HERPUD2: variants seen among roughly 807,000 people sequenced by gnomAD.
The protein encoded by HERPUD2 is homocysteine-responsive endoplasmic reticulum-resident ubiquitin-like domain member 2 protein.
A neutral mutation model predicts 49.9 loss-of-function variants in HERPUD2; 13 were observed. The observed-to-expected ratio is 0.26, with a 90% confidence interval of 0.17 to 0.41. The LOEUF (loss-of-function observed/expected upper bound fraction) is 0.41. Ranked by LOEUF, HERPUD2 falls within the 10% of genes least tolerant of loss-of-function variation. The pLI is 1.00. For synonymous variants in HERPUD2, 172 were observed against 171.4 expected (o/e 1.00, Z -0.03); for missense variants, 449 against 492.2 (o/e 0.91, Z 0.83).
At chr7:35,660,228 T>C (rs1420675417) in intron 5 of HERPUD2, among the ~76,000 whole-genome samples, 1 of 152,348 alleles carries the variant, frequency 6.6e-6, no homozygotes, top group South Asian at 2.1e-4. Context: ...TATGGCGGCA[T>C]AGTATTCCAT....
In HERPUD2 at chr7:35,664,864, T is replaced by C. The variant is rs1785504303; in HGVS notation, c.494+2570A>G. Among the ~76,000 whole-genome samples, 4 of 152,260 alleles carry C rather than the reference T, an allele frequency of 2.6e-5. No homozygotes were observed. In the South Asian group the frequency reaches 6.2e-4, roughly 24 times the overall value. ...TCCTCCTTTAGCTGGGAGAAGTTTG[T>C]TATTACCGATTGTCTGAAGCCGCCT... On this transcript the variant is annotated intron_variant, in intron 5 of 8. Transcript: ENST00000311350.
At position 35,635,468 on chromosome 7, in the gene HERPUD2, T is replaced by C. The variant is rs1223211736; in HGVS notation, c.618-10A>G. The C allele has an allele frequency of 6.3e-7, 1 of 1,586,834 alleles. No homozygotes were observed. Among genetic ancestry groups the C allele is most frequent in the Non-Finnish European group, 8.6e-7 (1 of 1,168,104 alleles). ...TGAAACTGCAGCTTGACTGAAATAG[T>C]CACCAAAATAAATATTAAAAAGAAA... On this transcript the variant is annotated splice_polypyrimidine_tract_variant and intron_variant, in intron 6 of 8. Coordinates refer to ENST00000311350, the MANE Select transcript of HERPUD2 (RefSeq NM_022373.5).
At chr7:35,686,597 T>C (rs1428884650) in intron 2 of HERPUD2, among the ~76,000 whole-genome samples, 5 of 134,414 alleles carry the variant, frequency 3.7e-5, no homozygotes, top group Non-Finnish European at 8.0e-5. Flanking sequence ...CGGGCGCCTG[T>C]AGTCCCAGCT....
intron 2 of HERPUD2, among the ~76,000 whole-genome samples, chr7:35,691,421 C>G (rs1259302579): frequency 6.6e-6 from 1 of 152,156 alleles, no homozygotes; most frequent in Non-Finnish European, 1.5e-5. Flanking sequence ...TCTAGCAGCA[C>G]CAATTTATTT....
intron 2 of HERPUD2, among the ~76,000 whole-genome samples, chr7:35,689,822 T>C (rs1362679489): frequency 3.3e-5 from 5 of 152,110 alleles, no homozygotes; most frequent in Non-Finnish European, 7.4e-5. Flanking sequence ...ACCCCAAGAC[T>C]GAAAAATGGA....
At chr7:35,684,422 G>A (rs1047316386) in intron 2 of HERPUD2, among the ~76,000 whole-genome samples, 1 of 151,488 alleles carries the variant, frequency 6.6e-6, no homozygotes, top group African/African-American at 2.4e-5. Flanking sequence ...AAAGATACTT[G>A]CACAAATATT....
At chr7:35,636,338 C>A (rs745954378) in intron 6 of HERPUD2, among the ~76,000 whole-genome samples, 2 of 152,156 alleles carry the variant, frequency 1.3e-5, no homozygotes, top group Non-Finnish European at 2.9e-5. Flanking sequence ...GCTACAAAAT[C>A]CTATTTAAGC....
chr7:35,667,528 CAGCTA>C lies in HERPUD2; in HGVS notation c.395_399del (p.Leu132CysfsTer19). The stretch of plus-strand genomic sequence containing the variant: ...CTCAATCCTTCTGAGGAAGAACCCA[CAGCTA>C]AAGACAAGGTTTCTTGACCAGATGA... On this transcript the variant is annotated frameshift_variant, in exon 5 of 9. Transcript: ENST00000311350. LOFTEE classifies it high-confidence loss of function. 6.2e-7 allele frequency: 1 copy of C among 1,613,706 alleles called. No individual in the cohort carries two copies. The highest frequency in any genetic ancestry group is 8.5e-7 in the Non-Finnish European group (1 of 1,179,682).
chr7:35,643,052 C>T (rs1268650500), intron 5 of HERPUD2, among the ~76,000 whole-genome samples: 2 of 152,186 alleles, frequency 1.3e-5, no homozygotes, highest in Admixed American at 1.3e-4. Flanking sequence ...AAAAAAACTT[C>T]ACATCTCTGC....
chr7:35,682,301 A>G (rs865967292), intron 2 of HERPUD2, among the ~76,000 whole-genome samples: 24 of 46,684 alleles, frequency 5.1e-4, no homozygotes, highest in African/African-American at 8.8e-4. Context: ...GTGTGTGTGT[A>G]TATATAGATA....
At chr7:35,634,257 T>TA in intron 8 of HERPUD2, 55 bp downstream of exon 8, 1 of 1,107,150 alleles carries the variant, frequency 9.0e-7, no homozygotes, top group East Asian at 2.4e-5. Flanking sequence ...GTTGGTCCCA[T>TA]ACCGTGCTGG....
intron 5 of HERPUD2, among the ~76,000 whole-genome samples, chr7:35,656,162 C>CA (rs1785271445): frequency 2.0e-5 from 3 of 151,418 alleles, no homozygotes; most frequent in African/African-American, 7.3e-5. Flanking sequence ...AACTTCATTT[C>CA]AAAAAAATAA....
At chr7:35,651,244 G>T (rs551323488) in intron 5 of HERPUD2, among the ~76,000 whole-genome samples, 9 of 152,200 alleles carry the variant, frequency 5.9e-5, no homozygotes, top group Non-Finnish European at 1.0e-4. Flanking sequence ...GTCACTGATG[G>T]CATCCAAACA....
intron 5 of HERPUD2, among the ~76,000 whole-genome samples, chr7:35,656,014 T>C (rs1483380561): frequency 6.6e-6 from 1 of 151,954 alleles, no homozygotes; most frequent in Non-Finnish European, 1.5e-5. Flanking sequence ...TACAAAAAAT[T>C]AGCCGGGCAT....
At chr7:35,668,161 G>C (rs1379697285) in intron 4 of HERPUD2, among the ~76,000 whole-genome samples, 3 of 152,160 alleles carry the variant, frequency 2.0e-5, no homozygotes, top group African/African-American at 7.2e-5. Flanking sequence ...TAACCTCTCA[G>C]AGTTTCCACT....
chr7:35,648,712 G>A (rs1389725337), intron 5 of HERPUD2, among the ~76,000 whole-genome samples: 1 of 152,162 alleles, frequency 6.6e-6, no homozygotes, highest in African/African-American at 2.4e-5. Context: ...TGAGAAGAAT[G>A]TGTGCCACGA....
At chr7:35,692,504 A>G (rs564192354) in intron 2 of HERPUD2, among the ~76,000 whole-genome samples, 11 of 152,352 alleles carry the variant, frequency 7.2e-5, no homozygotes, top group Admixed American at 4.6e-4. Flanking sequence ...GTGTGAAACT[A>G]ATCATATGCA....
At chr7:35,690,655 C>G (rs1786160767) in intron 2 of HERPUD2, among the ~76,000 whole-genome samples, 1 of 151,970 alleles carries the variant, frequency 6.6e-6, no homozygotes, top group Non-Finnish European at 1.5e-5. Flanking sequence ...ACTAAAAATA[C>G]AAAATTAGCC....
In HERPUD2 at chr7:35,652,572, GAAGA is replaced by G. The variant is rs954793763; in HGVS notation, c.495-14104_495-14101del. ...GAGAATAGGCAGATATATTTGAAGT[GAAGA>G]AAGAAAGAGAAAAAGAAAAGAAAAA... On this transcript the variant is annotated intron_variant, in intron 5 of 8. Coordinates refer to ENST00000311350, the MANE Select transcript of HERPUD2 (RefSeq NM_022373.5). Among the ~76,000 whole-genome samples the G allele has an allele frequency of 5.4e-5, 8 of 149,470 alleles. No individual in the cohort carries two copies. In the East Asian group the frequency reaches 9.9e-4, roughly 18 times the overall value.
Sources: allele counts gnomAD v4.1 joint callset (sites outside exome capture counted in the v4.1 genomes callset), GRCh38; gene constraint gnomAD v4.1.1; transcripts MANE v1.5; gene names NCBI Gene and HGNC (gene_info 2026-07-23, HGNC 2026-07-21).